Variants in NKAIN2 observed in about 807,000 individuals in gnomAD.
NKAIN2 encodes sodium/potassium-transporting ATPase subunit beta-1-interacting protein 2.
NKAIN2 carries 14 observed loss-of-function variants against 32.6 expected under a neutral mutation model. That is an observed-to-expected ratio of 0.43 (90% CI 0.28 to 0.67). NKAIN2 has a LOEUF of 0.67. Among genes scored for constraint, NKAIN2 ranks in the 30% least tolerant of loss-of-function variants. The pLI is 0.17. For missense variants in NKAIN2, 198 were observed against 258.3 expected (o/e 0.77, Z 1.60); for synonymous variants, 80 against 87.2 (o/e 0.92, Z 0.46).
intron 6 of NKAIN2, among the ~76,000 whole-genome samples, chr6:124,820,601 G>A (rs1781354530): frequency 6.6e-6 from 1 of 152,150 alleles, no homozygotes; most frequent in Non-Finnish European, 1.5e-5. Context: ...GATCTCCTCT[G>A]TAAATGGTAT....
intron 3 of NKAIN2, among the ~76,000 whole-genome samples, chr6:124,546,606 A>G (rs991556273): frequency 6.6e-6 from 1 of 152,076 alleles, no homozygotes; most frequent in Non-Finnish European, 1.5e-5. Flanking sequence ...TCGAATATAT[A>G]CTGAGCCTGT....
At chr6:124,436,285 A>T (rs1775439711) in intron 3 of NKAIN2, among the ~76,000 whole-genome samples, 1 of 152,176 alleles carries the variant, frequency 6.6e-6, no homozygotes, top group African/African-American at 2.4e-5. Context: ...TCTTAATATT[A>T]GCTCAGATGC....
chr6:124,474,040 T>C (rs975687151), intron 3 of NKAIN2, among the ~76,000 whole-genome samples: 1 of 152,162 alleles, frequency 6.6e-6, no homozygotes, highest in Non-Finnish European at 1.5e-5. Flanking sequence ...AAAATACAGT[T>C]GCATATCAGT....
intron 2 of NKAIN2, among the ~76,000 whole-genome samples, chr6:124,289,214 G>C (rs75930688): frequency 8.1e-4 from 123 of 152,220 alleles, no homozygotes; most frequent in Middle Eastern, 3.4e-3. Flanking sequence ...GATTAATGCT[G>C]AACACTGAAC....
At chr6:124,113,778 T>C (rs1487436787) in intron 1 of NKAIN2, among the ~76,000 whole-genome samples, 1 of 152,144 alleles carries the variant, frequency 6.6e-6, no homozygotes, top group Non-Finnish European at 1.5e-5. Flanking sequence ...GTTTCATATC[T>C]CTCTGTCAGC....
intron 3 of NKAIN2, among the ~76,000 whole-genome samples, chr6:124,465,360 T>C (rs1776702837): frequency 6.6e-6 from 1 of 152,040 alleles, no homozygotes; most frequent in African/African-American, 2.4e-5. Context: ...GAAACCATCA[T>C]TCTCAGCAAA....
At chr6:124,474,788 GTA>G (rs200621080) in intron 3 of NKAIN2, among the ~76,000 whole-genome samples, 4 of 125,518 alleles carry the variant, frequency 3.2e-5, no homozygotes, top group Non-Finnish European at 3.6e-5. Context: ...TCTTACCCCT[GTA>G]TATATATATA....
intron 3 of NKAIN2, among the ~76,000 whole-genome samples, chr6:124,497,824 T>TAAAAAAAAAAAAA (rs33913104): frequency 2.8e-5 from 3 of 105,710 alleles, no homozygotes; most frequent in Non-Finnish European, 3.7e-5. Flanking sequence ...GAGTAAGGGG[T>TAAAAAAAAAAAAA]AAAAAAAAAA....
intron 1 of NKAIN2, among the ~76,000 whole-genome samples, chr6:124,106,512 T>C (rs1018457226): frequency 2.6e-5 from 4 of 152,214 alleles, no homozygotes; most frequent in Non-Finnish European, 5.9e-5. Context: ...GACTTTGTAC[T>C]AAGATGAAAG....
intron 1 of NKAIN2, among the ~76,000 whole-genome samples, chr6:123,943,756 T>C (rs1239913138): frequency 6.6e-6 from 1 of 152,082 alleles, no homozygotes. Context: ...TCCTTGGGTA[T>C]TCCATTGTTC....
chr6:123,868,006 C>A (rs1371947464), intron 1 of NKAIN2, among the ~76,000 whole-genome samples: 1 of 151,914 alleles, frequency 6.6e-6, no homozygotes, highest in Non-Finnish European at 1.5e-5. Context: ...GTAGCTGGGA[C>A]TACAGGCGCA....
intron 3 of NKAIN2, among the ~76,000 whole-genome samples, chr6:124,607,923 G>C (rs1782556165): frequency 6.6e-6 from 1 of 152,028 alleles, no homozygotes; most frequent in Admixed American, 6.6e-5. Flanking sequence ...CCCAACTGTA[G>C]GTGAATGTAA....
intron 4 of NKAIN2, among the ~76,000 whole-genome samples, chr6:124,780,600 G>A (rs534474216): frequency 5.7e-4 from 87 of 152,320 alleles, no homozygotes; most frequent in African/African-American, 2.0e-3. Flanking sequence ...GGGGCTGAAA[G>A]CATAGGCTTG....
At chr6:123,821,392 C>T (rs1342902140) in intron 1 of NKAIN2, among the ~76,000 whole-genome samples, 1 of 152,164 alleles carries the variant, frequency 6.6e-6, no homozygotes, top group Non-Finnish European at 1.5e-5. Context: ...AGATGCTGCT[C>T]AAATGGACAG....
chr6:124,328,924 AC>A (rs1797537312), intron 2 of NKAIN2, among the ~76,000 whole-genome samples: 1 of 152,192 alleles, frequency 6.6e-6, no homozygotes, highest in African/African-American at 2.4e-5. Flanking sequence ...CACTCCGTGG[AC>A]CCACTTGCTT....
At chr6:124,149,015 A>T (rs1787567307) in intron 1 of NKAIN2, among the ~76,000 whole-genome samples, 1 of 152,096 alleles carries the variant, frequency 6.6e-6, no homozygotes, top group South Asian at 2.1e-4. Context: ...TAGGTGTGAA[A>T]TGGTATCTCA....
chr6:123,948,717 C>T (rs1292032129), intron 1 of NKAIN2, among the ~76,000 whole-genome samples: 1 of 141,802 alleles, frequency 7.1e-6, no homozygotes, highest in Non-Finnish European at 1.5e-5. Context: ...CAGATTTTCT[C>T]TTTCTCTGTT....
chr6:124,562,045 GC>G (rs1345761332), intron 3 of NKAIN2, among the ~76,000 whole-genome samples: 9 of 152,198 alleles, frequency 5.9e-5, no homozygotes, highest in Non-Finnish European at 1.2e-4. Flanking sequence ...GAAATCTGGT[GC>G]CTTTGGGAGT....
chr6:123,815,439 T>C (rs1773652950), intron 1 of NKAIN2, among the ~76,000 whole-genome samples: 1 of 152,200 alleles, frequency 6.6e-6, no homozygotes, highest in Non-Finnish European at 1.5e-5. Flanking sequence ...TTCCAAGAGT[T>C]TTGTTAAATC....
Sources: allele counts gnomAD v4.1 joint callset (sites outside exome capture counted in the v4.1 genomes callset), GRCh38; gene constraint gnomAD v4.1.1; transcripts MANE v1.5; gene names NCBI Gene and HGNC (gene_info 2026-07-23, HGNC 2026-07-21).